CTNNA3: variants seen among roughly 807,000 people sequenced by gnomAD.
The protein encoded by CTNNA3 is catenin alpha 3, also known as catenin alpha-3.
In CTNNA3, 76 loss-of-function variants were observed where a neutral mutation model predicts 95.7. The ratio of observed to expected loss-of-function variants is 0.79; its 90% CI spans 0.66 to 0.96. The LOEUF (loss-of-function observed/expected upper bound fraction) is 0.96. Among genes scored for constraint, CTNNA3 ranks in the 40% least tolerant of loss-of-function variants. The probability of loss-of-function intolerance (pLI) is 0.00; values close to 1 mark genes in which losing one functional copy is unlikely to be tolerated. For synonymous variants in CTNNA3, 431 were observed against 374.4 expected (o/e 1.15, Z -1.74); for missense variants, 1,191 against 1,089.8 (o/e 1.09, Z -1.31).
At chr10:66,149,363 T>C (rs2084069391) in intron 13 of CTNNA3, among the ~76,000 whole-genome samples, 1 of 151,016 alleles carries the variant, frequency 6.6e-6, no homozygotes, top group Non-Finnish European at 1.5e-5. Flanking sequence ...TTTAGATTAT[T>C]AATTTCTTTA....
chr10:67,702,920 G>A (rs960858739), intron 1 of CTNNA3, among the ~76,000 whole-genome samples: 41 of 151,786 alleles, frequency 2.7e-4, no homozygotes, highest in East Asian at 1.2e-3. Context: ...TCAAATAGAC[G>A]CAATAAAAAA....
intron 1 of CTNNA3, among the ~76,000 whole-genome samples, chr10:67,727,049 A>G (rs1398088797): frequency 8.8e-6 from 1 of 114,090 alleles, no homozygotes; most frequent in Non-Finnish European, 1.6e-5. Context: ...TGATACATAT[A>G]TGATATAATT....
intron 7 of CTNNA3, chr10:67,097,994 G>A: frequency 1.7e-6 from 1 of 579,072 alleles, no homozygotes; most frequent in Non-Finnish European, 3.1e-6. Context: ...AATTAGCTAA[G>A]TTGTGCAGTA....
At chr10:66,262,683 G>T (rs1310401573) in intron 13 of CTNNA3, among the ~76,000 whole-genome samples, 1 of 151,844 alleles carries the variant, frequency 6.6e-6, no homozygotes, top group Non-Finnish European at 1.5e-5. Context: ...GAAGCAATTA[G>T]CCCTGGAAGA....
chr10:67,470,808 T>C (rs1847789068), intron 5 of CTNNA3, among the ~76,000 whole-genome samples: 1 of 151,968 alleles, frequency 6.6e-6, no homozygotes, highest in African/African-American at 2.4e-5. Context: ...TGACACAGAG[T>C]CTTGCTCTGT....
At chr10:67,421,439 T>C (rs1377810293) in intron 5 of CTNNA3, among the ~76,000 whole-genome samples, 1 of 152,180 alleles carries the variant, frequency 6.6e-6, no homozygotes, top group Non-Finnish European at 1.5e-5. Flanking sequence ...TGCTCTAACA[T>C]CCTCATAGAT....
intron 5 of CTNNA3, among the ~76,000 whole-genome samples, chr10:67,350,749 G>A (rs1435569684): frequency 6.6e-6 from 1 of 151,436 alleles, no homozygotes; most frequent in African/African-American, 2.4e-5. Context: ...TTGCTGATGA[G>A]AATAGAAAAT....
At chr10:66,420,986 A>G in intron 11 of CTNNA3, among the ~76,000 whole-genome samples, 1 of 152,132 alleles carries the variant, frequency 6.6e-6, no homozygotes, top group Non-Finnish European at 1.5e-5. Flanking sequence ...AGCACTATTG[A>G]TAATAGCAAA....
At chr10:66,908,870 G>A (rs573453335) in intron 7 of CTNNA3, among the ~76,000 whole-genome samples, 1 of 152,216 alleles carries the variant, frequency 6.6e-6, no homozygotes, top group African/African-American at 2.4e-5. Context: ...GATTGTAAAC[G>A]CCACAAGTGT....
chr10:67,361,894 G>T (rs1397372037), intron 5 of CTNNA3, among the ~76,000 whole-genome samples: 1 of 151,818 alleles, frequency 6.6e-6, no homozygotes, highest in African/African-American at 2.4e-5. Context: ...AAGAAAAAAG[G>T]AAGAAGATCC....
chr10:67,346,698 G>A (rs1326805570), intron 5 of CTNNA3: 1 of 513,602 alleles, frequency 1.9e-6, no homozygotes. Context: ...ATAGATGAGA[G>A]TTCATTAATA....
intron 15 of CTNNA3, among the ~76,000 whole-genome samples, chr10:65,999,940 AAGC>A (rs2133361140): frequency 6.7e-6 from 1 of 150,306 alleles, no homozygotes; most frequent in Non-Finnish European, 1.5e-5. Context: ...AAAAAAAAAA[AAGC>A]AGATCAGACT....
At chr10:66,014,416 A>T (rs1015833756) in intron 15 of CTNNA3, among the ~76,000 whole-genome samples, 1 of 152,154 alleles carries the variant, frequency 6.6e-6, no homozygotes, top group African/African-American at 2.4e-5. Flanking sequence ...ATCTCTAGGA[A>T]GGTTCTGTGG....
chr10:67,004,621 C>A (rs1851870344), intron 7 of CTNNA3, among the ~76,000 whole-genome samples: 1 of 152,126 alleles, frequency 6.6e-6, no homozygotes, highest in Admixed American at 6.6e-5. Context: ...CAGAACTAAT[C>A]CTACAATAAG....
chr10:67,296,928 C>T (rs904646956), intron 5 of CTNNA3, among the ~76,000 whole-genome samples: 1 of 76,186 alleles, frequency 1.3e-5, no homozygotes, highest in Non-Finnish European at 2.1e-5. Context: ...GAATGAAACG[C>T]TGTCTCAAAA....
chr10:67,339,798 G>T (rs897110676), intron 5 of CTNNA3, among the ~76,000 whole-genome samples: 2 of 152,104 alleles, frequency 1.3e-5, no homozygotes, highest in Non-Finnish European at 2.9e-5. Context: ...AATTATTGTT[G>T]TTCTAGCCAT....
intron 1 of CTNNA3, among the ~76,000 whole-genome samples, chr10:67,690,496 A>G (rs1366940461): frequency 6.6e-6 from 1 of 152,170 alleles, no homozygotes; most frequent in Non-Finnish European, 1.5e-5. Flanking sequence ...TCCATTTTAC[A>G]GAGTGACTGG....
At chr10:66,642,312 T>C (rs1051652891) in intron 9 of CTNNA3, among the ~76,000 whole-genome samples, 1 of 140,890 alleles carries the variant, frequency 7.1e-6, no homozygotes, top group Non-Finnish European at 1.5e-5. Flanking sequence ...ACACAAAACC[T>C]GATATCAAAT....
At chr10:67,582,038 G>C (rs1354178701) in intron 3 of CTNNA3, among the ~76,000 whole-genome samples, 1 of 151,016 alleles carries the variant, frequency 6.6e-6, no homozygotes, top group African/African-American at 2.4e-5. Flanking sequence ...GTTTTGCAGG[G>C]TTTTTTGTGT....
Sources: gnomAD v4.1 joint callset for allele counts (sites outside exome capture counted in the v4.1 genomes callset) on GRCh38, gnomAD v4.1.1 for gene constraint, MANE v1.5 for transcripts, NCBI Gene and HGNC (gene_info 2026-07-23, HGNC 2026-07-21) for gene names.